Variants in TRIML1 observed in about 807,000 individuals in gnomAD.
TRIML1 encodes tripartite motif family like 1.
A neutral mutation model predicts 32.3 loss-of-function variants in TRIML1; 34 were observed. That is an observed-to-expected ratio of 1.05 (90% CI 0.80 to 1.40). The LOEUF (loss-of-function observed/expected upper bound fraction) is 1.40, where lower values mean the gene tolerates loss of function less well. Among genes scored for constraint, TRIML1 ranks in the 40% most tolerant of loss-of-function variants. The pLI is 0.00. For synonymous variants in TRIML1, 244 were observed against 226.6 expected (o/e 1.08, Z -0.69); for missense variants, 595 against 574.9 (o/e 1.03, Z -0.36).
downstream of TRIML1, among the ~76,000 whole-genome samples, chr4:188,148,894 G>T (rs1735177504): frequency 1.5e-5 from 2 of 131,352 alleles, no homozygotes; most frequent in Non-Finnish European, 3.1e-5. Context: ...GAGCCACCGT[G>T]CCCAGGCTTT....
At chr4:188,138,617 C>T (rs762863701), upstream of TRIML1, among the ~76,000 whole-genome samples, 2 of 151,958 alleles carry the variant, frequency 1.3e-5, no homozygotes, top group Non-Finnish European at 2.9e-5. Context: ...TTTCATATGT[C>T]CGAAAAAATG....
Position 188,146,926 on chromosome 4 carries a change from C to T in TRIML1, c.961C>T (p.Pro321Ser). Residue 321 changes from proline to serine, a missense_variant, in exon 6 of 6, where the codon CCG becomes TCG. Coordinates refer to ENST00000332517, the MANE Select transcript of TRIML1 (RefSeq NM_178556.5). ...GGSRQQLPDN[P>S]ERFDQSATVL... ...AAGCAGACAGCAGCTACCCGACAAC[C>T]CGGAAAGATTTGACCAGTCTGCGAC... 6.7e-7 allele frequency: 1 copy of T among 1,494,708 alleles called. No homozygotes were observed. Among genetic ancestry groups the T allele is most frequent in the African/African-American group, 1.4e-5 (1 of 71,166 alleles). The allele number at this position is 1,494,708 out of a possible 1,614,324, so 92.6% of individuals were successfully genotyped here.
At chr4:188,144,586 T>C (rs1036977491) in intron 5 of TRIML1, among the ~76,000 whole-genome samples, 4 of 150,382 alleles carry the variant, frequency 2.7e-5, no homozygotes, top group Non-Finnish European at 5.9e-5. Flanking sequence ...ATGGTCTCGA[T>C]CTCCTGACCT....
intron 2 of TRIML1, 80 bp from the exon 3 acceptor site, chr4:188,142,172 T>A: frequency 2.0e-6 from 2 of 1,008,002 alleles, no homozygotes; most frequent in Non-Finnish European, 2.9e-6. Flanking sequence ...ATTAAAAATC[T>A]ACAGACAAGG....
At position 188,139,885 on chromosome 4, in the gene TRIML1, G is replaced by A. The variant is rs201128148; in HGVS notation, c.327G>A (p.Glu109=). 4.5e-5 allele frequency: 73 copies of A among 1,613,768 alleles called. No homozygotes were observed. The highest frequency in any genetic ancestry group is 6.1e-5 in the Non-Finnish European group (72 of 1,180,042). The stretch of plus-strand genomic sequence containing the variant: ...CTGCCAAGGCGCTCTCCGATGACGA[G>A]CAGGGTGGAAGCGCCTTCGTAGCCC... The part of the protein sequence containing the change: ...PTTAKALSDD[E]QGGSAFVAQS... The change falls in exon 1 of 6, where the codon GAG becomes GAA. Residue 109 remains glutamate (E), a synonymous_variant. Coordinates refer to ENST00000332517, the MANE Select transcript of TRIML1 (RefSeq NM_178556.5).
Position 188,142,441 on chromosome 4 carries a change from A to T in TRIML1, c.694A>T (p.Ile232Phe). 1 of 1,613,972 alleles carries T rather than the reference A, an allele frequency of 6.2e-7. No individual in the cohort carries two copies. Among genetic ancestry groups the T allele is most frequent in the African/African-American group, 1.3e-5 (1 of 75,004 alleles). ...AAGCCTAAGCAAAATGATCGCACAGATTGAGTCCTCAAGTCAAAGCTCGGC... is the reference window on the plus strand; with the variant it reads ...AAGCCTAAGCAAAATGATCGCACAGTTTGAGTCCTCAAGTCAAAGCTCGGC... ...IRSLSKMIAQIESSSQSSAFE... is the reference protein window; with the variant it reads ...IRSLSKMIAQFESSSQSSAFE... Residue 232 changes from isoleucine to phenylalanine, a missense_variant, in exon 3 of 6, where the codon ATT becomes TTT. Coordinates refer to ENST00000332517, the MANE Select transcript of TRIML1 (RefSeq NM_178556.5).
At chr4:188,140,784 CGTG>C in intron 2 of TRIML1, 161 bp downstream of exon 2, 2 of 586,222 alleles carry the variant, frequency 3.4e-6, no homozygotes, top group South Asian at 4.2e-5. Context: ...TGAGCGTCCT[CGTG>C]GGAGTCTCAA....
At chr4:188,139,010 A>G (rs116726411), upstream of TRIML1, among the ~76,000 whole-genome samples, 553 of 152,286 alleles carry the variant, frequency 3.6e-3, 4 homozygotes, top group African/African-American at 0.013. Flanking sequence ...GTCAAGCAGA[A>G]CAAAAGGGGC....
At chr4:188,138,749 C>A (rs75785181), upstream of TRIML1, among the ~76,000 whole-genome samples, 10 of 139,766 alleles carry the variant, frequency 7.2e-5, no homozygotes, top group East Asian at 1.8e-3. Flanking sequence ...AAATATAATT[C>A]TTTCCATCTG....
At chr4:188,148,545 C>T (rs1015502214), downstream of TRIML1, among the ~76,000 whole-genome samples, 1 of 151,932 alleles carries the variant, frequency 6.6e-6, no homozygotes, top group Non-Finnish European at 1.5e-5. Context: ...CTGAGGGGAG[C>T]TCTTTTGGCT....
chr4:188,148,231 T>A (rs932129784), downstream of TRIML1, among the ~76,000 whole-genome samples: 4 of 152,116 alleles, frequency 2.6e-5, no homozygotes, highest in Non-Finnish European at 4.4e-5. Context: ...CGGTGGCTCA[T>A]GCCTGTAATC....
intron 5 of TRIML1, among the ~76,000 whole-genome samples, chr4:188,146,125 A>C (rs1323958063): frequency 6.6e-6 from 1 of 152,206 alleles, no homozygotes; most frequent in Admixed American, 6.5e-5. Flanking sequence ...AAGTTCAGCC[A>C]AAGATAAGTG....
rs748344710 is a variant in TRIML1 at position 188,140,654 on chromosome 4, A to G, written c.504+31A>G. ...TGTCTGTCTGACTTTTGCTGCTTGT[A>G]TATGACCCCATAAGGGGGACTAAAG... On this transcript the variant is annotated intron_variant, in intron 2 of 5. Transcript: ENST00000332517. 3 of 1,498,722 alleles carry G rather than the reference A, an allele frequency of 2.0e-6. No homozygotes were observed. In the South Asian group the frequency reaches 3.4e-5, roughly 17 times the overall value. 92.8% of individuals were successfully genotyped at this position (1,498,722 alleles called of 1,614,324 possible). A position where few individuals can be genotyped will look rare whatever the true frequency, so the allele number is the denominator to read the frequency against.
At chr4:188,142,760 AT>A (rs11399915) in intron 3 of TRIML1, among the ~76,000 whole-genome samples, 3 of 150,610 alleles carry the variant, frequency 2.0e-5, no homozygotes, top group East Asian at 2.0e-4. Context: ...AGCTTTGTTA[AT>A]TTTTTTTTCT....
At position 188,147,383 on chromosome 4, in the gene TRIML1, C is replaced by T. The variant is rs1735128698; in HGVS notation, c.*11C>T. 1 of 1,469,272 alleles carries T rather than the reference C, an allele frequency of 6.8e-7. No homozygotes were observed. 91.0% of individuals were successfully genotyped at this position (1,469,272 alleles called of 1,614,324 possible). On this transcript the variant is annotated 3_prime_UTR_variant, in exon 6 of 6. Transcript: ENST00000332517. Reference sequence around the variant, plus strand: ...AACAGCCACGTCTGAGGGGCGTGCCCTGAGCCGTCACAGCGGGCGATGTCT... The same window carrying T: ...AACAGCCACGTCTGAGGGGCGTGCCTTGAGCCGTCACAGCGGGCGATGTCT...
intron 5 of TRIML1, among the ~76,000 whole-genome samples, chr4:188,144,583 C>T (rs1360085119): frequency 6.7e-6 from 1 of 149,072 alleles, no homozygotes; most frequent in African/African-American, 2.4e-5. Flanking sequence ...AGGATGGTCT[C>T]GATCTCCTGA....
At chr4:188,144,748 G>A (rs993007861) in intron 5 of TRIML1, among the ~76,000 whole-genome samples, 15 of 152,030 alleles carry the variant, frequency 9.9e-5, no homozygotes, top group African/African-American at 3.4e-4. Flanking sequence ...ATGCAGGGGC[G>A]TCTACATTTC....
chr4:188,139,839 G>C lies in TRIML1; in HGVS notation c.281G>C (p.Ser94Thr), dbSNP rs771445612. 2 of 1,613,866 alleles carry C rather than the reference G, an allele frequency of 1.2e-6. No individual in the cohort carries two copies. The highest frequency in any genetic ancestry group is 2.2e-5 in the East Asian group (1 of 44,856). ...CTGCAGAGCGAGGATGAGCAGGGCA[G>C]CTACGGGAGGATGCCCACCACTGCC... is the stretch of plus-strand genomic sequence containing the variant. Reference protein sequence around the residue: ...QVLQSEDEQGSYGRMPTTAKA... With the variant: ...QVLQSEDEQGTYGRMPTTAKA... The change falls in exon 1 of 6, where the codon AGC (serine) becomes ACC (threonine). Residue 94 changes from serine (S) to threonine (T), a missense_variant. Coordinates refer to ENST00000332517, the MANE Select transcript of TRIML1 (RefSeq NM_178556.5).
Position 188,139,811 on chromosome 4 carries a change from G to C in TRIML1, c.253G>C (p.Val85Leu). 1 of 1,613,962 alleles carries C rather than the reference G, an allele frequency of 6.2e-7. No homozygotes were observed. Among genetic ancestry groups the C allele is most frequent in the Non-Finnish European group, 8.5e-7 (1 of 1,180,030 alleles). ...ASIARQLRSQ[V>L]LQSEDEQGSY... ...CATCGCCAGGCAGCTCCGGTCCCAG[G>C]TGCTGCAGAGCGAGGATGAGCAGGG... Residue 85 changes from valine (V) to leucine (L), a missense_variant, in exon 1 of 6, where the codon GTG (valine) becomes CTG (leucine). By Grantham distance (32) the Val-to-Leu change is conservative (BLOSUM62 1). Coordinates refer to ENST00000332517, the MANE Select transcript of TRIML1 (RefSeq NM_178556.5).
Sources: allele counts gnomAD v4.1 joint callset (sites outside exome capture counted in the v4.1 genomes callset), GRCh38; gene constraint gnomAD v4.1.1; transcripts MANE v1.5; gene names NCBI Gene and HGNC (gene_info 2026-07-23, HGNC 2026-07-21).